Variants in PLEKHG1 observed in about 807,000 individuals in gnomAD.
The protein encoded by PLEKHG1 is pleckstrin homology domain-containing family G member 1.
In PLEKHG1, 44 loss-of-function variants were observed where a neutral mutation model predicts 100.8. The ratio of observed to expected loss-of-function variants is 0.44; its 90% CI spans 0.34 to 0.56. The LOEUF (loss-of-function observed/expected upper bound fraction) is 0.56, where lower values mean the gene tolerates loss of function less well. Ranked by LOEUF, PLEKHG1 falls within the 20% of genes least tolerant of loss-of-function variation. The probability of loss-of-function intolerance (pLI) is 0.01; values close to 1 mark genes in which losing one functional copy is unlikely to be tolerated. For missense variants in PLEKHG1, 1,545 were observed against 1,720.9 expected (o/e 0.90, Z 1.81); for synonymous variants, 640 against 662.5 (o/e 0.97, Z 0.52).
At chr6:150,628,578 C>CA (rs1263436444) in intron 1 of PLEKHG1, among the ~76,000 whole-genome samples, 382 of 32,102 alleles carry the variant, frequency 0.012, 1 homozygote, top group Non-Finnish European at 0.019. Flanking sequence ...ACACACACAC[C>CA]CCGTCCTTGC....
intron 1 of PLEKHG1, among the ~76,000 whole-genome samples, chr6:150,619,176 A>G (rs1777192643): frequency 6.6e-6 from 1 of 151,244 alleles, no homozygotes; most frequent in South Asian, 2.1e-4. Context: ...AAATTCAACG[A>G]GAGATCCATT....
chr6:150,652,721 A>C (rs1435010527), intron 3 of PLEKHG1, among the ~76,000 whole-genome samples: 2 of 135,060 alleles, frequency 1.5e-5, no homozygotes, highest in East Asian at 4.4e-4. Flanking sequence ...ACTGTGTCTC[A>C]AAAAAAAAAA....
At chr6:150,779,545 C>T (rs1051981260) in intron 3 of PLEKHG1, among the ~76,000 whole-genome samples, 3 of 151,696 alleles carry the variant, frequency 2.0e-5, no homozygotes, top group Non-Finnish European at 4.4e-5. Flanking sequence ...AGGGTTTCAC[C>T]ATGTTAGTCA....
At chr6:150,774,385 T>C (rs1784848927) in intron 3 of PLEKHG1, among the ~76,000 whole-genome samples, 1 of 152,166 alleles carries the variant, frequency 6.6e-6, no homozygotes, top group Non-Finnish European at 1.5e-5. Flanking sequence ...AGTATGCCTT[T>C]AATAAAGTTA....
chr6:150,757,041 C>G (rs1322642257), intron 2 of PLEKHG1, among the ~76,000 whole-genome samples: 1 of 152,152 alleles, frequency 6.6e-6, no homozygotes, highest in Non-Finnish European at 1.5e-5. Context: ...TGGAGTCTCG[C>G]TCTGTCACCC....
intron 1 of PLEKHG1, among the ~76,000 whole-genome samples, chr6:150,601,747 C>G (rs1562374994): frequency 6.6e-6 from 1 of 152,174 alleles, no homozygotes; most frequent in African/African-American, 2.4e-5. Context: ...TAGCAGCCCC[C>G]CAAGTCCTCT....
intron 4 of PLEKHG1, among the ~76,000 whole-genome samples, chr6:150,795,128 C>T (rs1380763446): frequency 1.3e-5 from 2 of 152,132 alleles, no homozygotes; most frequent in Admixed American, 1.3e-4. Flanking sequence ...GTGGCTCATG[C>T]CTGTAATCCC....
At chr6:150,636,292 TA>T (rs60407695) in intron 1 of PLEKHG1, among the ~76,000 whole-genome samples, 42,993 of 150,150 alleles carry the variant, frequency 0.29, 6,125 homozygotes, top group African/African-American at 0.32. Context: ...TGACTTTTTT[TA>T]AAAAAAAAAG....
intron 2 of PLEKHG1, among the ~76,000 whole-genome samples, chr6:150,644,334 G>GTTTTGTTTTTTTT (rs1554255839): frequency 1.4e-4 from 16 of 117,600 alleles, no homozygotes; most frequent in African/African-American, 4.5e-4. Flanking sequence ...TTCTTTTCGT[G>GTTTTGTTTTTTTT]TTTTTTTTTT....
chr6:150,670,726 G>A lies in PLEKHG1; in HGVS notation c.-99+19940G>A, dbSNP rs570304465. Among the ~76,000 whole-genome samples, 78 of 152,244 alleles carry A rather than the reference G, an allele frequency of 5.1e-4. 1 individual carries two copies. The South Asian group carries it at 0.01, about 20-fold the overall frequency. ...GACCCCACATAGTCCATTTGGCTGA[G>A]GGAAATGACATAATGTTAACGCTTA... On this transcript the variant is annotated intron_variant, in intron 3 of 3. Coordinates refer to the PLEKHG1 transcript ENST00000367326.
intron 1 of PLEKHG1, among the ~76,000 whole-genome samples, chr6:150,623,915 G>A (rs1046125992): frequency 1.4e-4 from 21 of 152,198 alleles, no homozygotes; most frequent in Non-Finnish European, 2.9e-5. Context: ...TCTTCAATGT[G>A]TCTTAAATCT....
chr6:150,625,992 T>TG (rs1777491305), intron 1 of PLEKHG1: 2 of 152,052 alleles, frequency 1.3e-5, no homozygotes, highest in African/African-American at 2.4e-5. Flanking sequence ...GAAGATGTCA[T>TG]GGGGGGATGC....
chr6:150,810,273 C>T (rs1787413657), intron 10 of PLEKHG1, among the ~76,000 whole-genome samples: 1 of 149,354 alleles, frequency 6.7e-6, no homozygotes, highest in Admixed American at 6.6e-5. Context: ...GCACTCCAGC[C>T]TGGGTGACAG....
chr6:150,726,217 T>G (rs1235338720), intron 1 of PLEKHG1, among the ~76,000 whole-genome samples: 2 of 152,190 alleles, frequency 1.3e-5, no homozygotes, highest in Non-Finnish European at 2.9e-5. Flanking sequence ...TAGCTAACAA[T>G]ACTATATTGT....
At chr6:150,643,610 C>G (rs1778362574) in intron 2 of PLEKHG1, among the ~76,000 whole-genome samples, 1 of 152,158 alleles carries the variant, frequency 6.6e-6, no homozygotes, top group Non-Finnish European at 1.5e-5. Flanking sequence ...GTCAAAGCAC[C>G]ACTGAAAACA....
intron 2 of PLEKHG1, among the ~76,000 whole-genome samples, chr6:150,763,058 G>GTTCT (rs1457448537): frequency 2.3e-4 from 6 of 26,136 alleles, no homozygotes; most frequent in African/African-American, 6.9e-4. Context: ...ACGGAGTTTT[G>GTTCT]TTCTTGTTGC....
intron 4 of PLEKHG1, among the ~76,000 whole-genome samples, chr6:150,790,416 G>A (rs1249020370): frequency 1.3e-5 from 2 of 152,278 alleles, no homozygotes; most frequent in Non-Finnish European, 2.9e-5. Context: ...TTGGTACAAT[G>A]CTTGAAATGT....
chr6:150,811,800 G>A (rs958250042), intron 10 of PLEKHG1, among the ~76,000 whole-genome samples: 3 of 152,134 alleles, frequency 2.0e-5, no homozygotes, highest in Non-Finnish European at 2.9e-5. Flanking sequence ...GAATCTGGAC[G>A]CGTTCACACT....
rs373655509 is a variant in PLEKHG1 at position 150,736,832 on chromosome 6, GA to G, written c.411+2750del. On this transcript the variant is annotated intron_variant, in intron 2 of 15. Coordinates refer to ENST00000358517, the Ensembl canonical transcript of PLEKHG1. The stretch of plus-strand genomic sequence containing the variant: ...ATTCACTACAGCAGAAATTTAATTA[GA>G]AAAAAAAAACCTTAATGAGTGATTT... 6.9e-3 allele frequency among the ~76,000 whole-genome samples: 1,022 copies of G among 147,696 alleles called. 16 individuals are homozygous for G. Among genetic ancestry groups the G allele is most frequent in the African/African-American group, 0.024 (950 of 40,358 alleles).
Sources: allele counts gnomAD v4.1 joint callset (sites outside exome capture counted in the v4.1 genomes callset), GRCh38; gene constraint gnomAD v4.1.1; transcripts MANE v1.5; gene names NCBI Gene and HGNC (gene_info 2026-07-23, HGNC 2026-07-21).